Variants in EPHA6 observed in about 807,000 individuals in gnomAD.
EPHA6 encodes EPH receptor A6.
In EPHA6, 50 loss-of-function variants were observed where a neutral mutation model predicts 112.0. The ratio of observed to expected loss-of-function variants is 0.45; its 90% CI spans 0.36 to 0.56. The LOEUF (loss-of-function observed/expected upper bound fraction) is 0.56, where lower values mean the gene tolerates loss of function less well. EPHA6 is among the 20% of genes least tolerant of loss of function. The pLI, the probability that EPHA6 is intolerant of heterozygous loss-of-function variation, is 0.00. For missense variants in EPHA6, 1,280 were observed against 1,417.4 expected (o/e 0.90, Z 1.56); for synonymous variants, 529 against 490.7 (o/e 1.08, Z -1.03).
intron 2 of EPHA6, among the ~76,000 whole-genome samples, chr3:96,939,968 C>G (rs1379782201): frequency 1.3e-5 from 2 of 152,004 alleles, no homozygotes. Flanking sequence ...GTCTGAGAGA[C>G]AGTTTGTTAT....
chr3:97,740,222 A>T (rs2035441695), intron 16 of EPHA6, among the ~76,000 whole-genome samples: 1 of 151,990 alleles, frequency 6.6e-6, no homozygotes, highest in Non-Finnish European at 1.5e-5. Flanking sequence ...ATTACTCCAC[A>T]CATGGAAGTC....
intron 6 of EPHA6, among the ~76,000 whole-genome samples, chr3:97,417,847 G>C (rs2107168626): frequency 6.6e-6 from 1 of 152,256 alleles, no homozygotes; most frequent in South Asian, 2.1e-4. Context: ...AGACATAGAA[G>C]TAAATCCTAT....
intron 3 of EPHA6, among the ~76,000 whole-genome samples, chr3:97,122,331 A>G (rs956033717): frequency 3.3e-5 from 5 of 152,090 alleles, no homozygotes; most frequent in African/African-American, 1.2e-4. Flanking sequence ...ATATCATCTC[A>G]ATGACACAGT....
At chr3:97,393,279 A>G (rs962779439) in intron 5 of EPHA6, among the ~76,000 whole-genome samples, 3 of 151,800 alleles carry the variant, frequency 2.0e-5, no homozygotes, top group African/African-American at 7.2e-5. Flanking sequence ...TTTCCCTCAT[A>G]TTTCAAAGAA....
chr3:97,603,763 T>G (rs2093660095), intron 12 of EPHA6, among the ~76,000 whole-genome samples: 1 of 151,944 alleles, frequency 6.6e-6, no homozygotes, highest in African/African-American at 2.4e-5. Context: ...AAAATACTCA[T>G]ATAAATTGTT....
At chr3:96,973,783 C>T (rs1407703830) in intron 2 of EPHA6, among the ~76,000 whole-genome samples, 1 of 148,368 alleles carries the variant, frequency 6.7e-6, no homozygotes, top group Non-Finnish European at 1.5e-5. Flanking sequence ...CGAGATCATG[C>T]CACTGGTCTC....
At chr3:97,521,581 A>G (rs1418105588) in intron 10 of EPHA6, among the ~76,000 whole-genome samples, 2 of 152,194 alleles carry the variant, frequency 1.3e-5, no homozygotes, top group Non-Finnish European at 2.9e-5. Context: ...GTCTATCATG[A>G]GAACAGCATG....
intron 12 of EPHA6, among the ~76,000 whole-genome samples, chr3:97,593,006 A>C (rs989901017): frequency 2.6e-5 from 4 of 152,190 alleles, no homozygotes; most frequent in Non-Finnish European, 4.4e-5. Context: ...AGAGCTTCAG[A>C]TCCAAAATAT....
chr3:97,672,093 T>G (rs911536604), intron 14 of EPHA6, among the ~76,000 whole-genome samples: 2 of 152,194 alleles, frequency 1.3e-5, no homozygotes, highest in Non-Finnish European at 2.9e-5. Flanking sequence ...AAGAATCTAG[T>G]TAAATCCCAA....
chr3:97,606,518 G>A (rs1198563413), intron 12 of EPHA6, among the ~76,000 whole-genome samples: 3 of 151,220 alleles, frequency 2.0e-5, no homozygotes, highest in African/African-American at 7.3e-5. Context: ...GATGGATGGT[G>A]ATGTTTTAAC....
At chr3:97,603,956 A>C (rs1281598032) in intron 12 of EPHA6, among the ~76,000 whole-genome samples, 1 of 151,804 alleles carries the variant, frequency 6.6e-6, no homozygotes, top group Non-Finnish European at 1.5e-5. Context: ...AGGATTCAAC[A>C]TCTAGTCAGT....
intron 5 of EPHA6, among the ~76,000 whole-genome samples, chr3:97,379,690 A>G (rs1454544343): frequency 2.2e-5 from 3 of 137,972 alleles, no homozygotes; most frequent in Non-Finnish European, 4.5e-5. Flanking sequence ...CAGAGGATGC[A>G]GTGAGCTGAG....
In EPHA6 at chr3:97,038,416, A is replaced by G. The variant is rs113889455; in HGVS notation, c.1114+50423A>G. ...TAGTGAAAACATGCAATATTTGTCT[A>G]TCTGTGCTTGGCTTATTTCACTTAC... On this transcript the variant is annotated intron_variant, in intron 3 of 17. Transcript: ENST00000389672. Among the ~76,000 whole-genome samples, 813 of 152,040 alleles carry G rather than the reference A, an allele frequency of 5.3e-3. 7 individuals carry two copies. Among genetic ancestry groups the G allele is most frequent in the African/African-American group, 0.018 (735 of 41,518 alleles).
At chr3:97,332,012 A>T (rs868862805) in intron 5 of EPHA6, among the ~76,000 whole-genome samples, 1 of 152,144 alleles carries the variant, frequency 6.6e-6, no homozygotes, top group South Asian at 2.1e-4. Flanking sequence ...TCCTCAATAA[A>T]ATACTGGCAA....
At chr3:97,090,754 A>G (rs1222087212) in intron 3 of EPHA6, among the ~76,000 whole-genome samples, 1 of 152,112 alleles carries the variant, frequency 6.6e-6, no homozygotes, top group Non-Finnish European at 1.5e-5. Context: ...ATTGGGATTT[A>G]TAATGGACTC....
rs1320129540 is a variant in EPHA6, at chr3:97,760,115, A to T, written c.*11414A>T. On this transcript the variant is annotated 3_prime_UTR_variant, in exon 18 of 18. Coordinates refer to ENST00000389672, the MANE Select transcript of EPHA6 (RefSeq NM_001080448.3). Reference sequence around the variant, plus strand: ...ATAATCAACCTGTCACTTTTTTCAAACACGATTTGGGAGGGTATTGAGGTC... The same window carrying T: ...ATAATCAACCTGTCACTTTTTTCAATCACGATTTGGGAGGGTATTGAGGTC... 1 of 181,206 alleles carries T rather than the reference A, an allele frequency of 5.5e-6. No homozygotes were observed. The highest frequency in any genetic ancestry group is 1.2e-5 in the Non-Finnish European group (1 of 84,960). The allele number at this position is 181,206 out of a possible 1,614,324, so 11.2% of individuals were successfully genotyped here. A position where few individuals can be genotyped will look rare whatever the true frequency, so the allele number is the denominator to read the frequency against.
chr3:96,916,956 A>G (rs751380342), intron 2 of EPHA6, among the ~76,000 whole-genome samples: 6 of 152,190 alleles, frequency 3.9e-5, no homozygotes, highest in Non-Finnish European at 5.9e-5. Flanking sequence ...TGAAAGATTT[A>G]CTATTTGTGA....
chr3:96,991,061 C>T (rs1045834982), intron 3 of EPHA6, among the ~76,000 whole-genome samples: 1 of 151,990 alleles, frequency 6.6e-6, no homozygotes, highest in African/African-American at 2.4e-5. Context: ...GCGACCATAG[C>T]TCATTCCAAT....
chr3:97,731,461 A>G (rs1327966300), intron 15 of EPHA6, among the ~76,000 whole-genome samples: 1 of 152,062 alleles, frequency 6.6e-6, no homozygotes, highest in Non-Finnish European at 1.5e-5. Flanking sequence ...TAAGTCACAC[A>G]AAGAGATCTC....
Sources: allele counts gnomAD v4.1 joint callset (sites outside exome capture counted in the v4.1 genomes callset), GRCh38; gene constraint gnomAD v4.1.1; transcripts MANE v1.5; gene names NCBI Gene and HGNC (gene_info 2026-07-23, HGNC 2026-07-21).